The following KCNJ3 variants were observed in gnomAD, a reference collection of about 807,000 sequenced individuals.
The protein encoded by KCNJ3 is potassium inwardly rectifying channel subfamily J member 3.
A neutral mutation model predicts 39.2 loss-of-function variants in KCNJ3; 4 were observed. That is an observed-to-expected ratio of 0.10 (90% CI 0.05 to 0.23). The LOEUF (loss-of-function observed/expected upper bound fraction) is 0.23. Among genes scored for constraint, KCNJ3 ranks in the 10% least tolerant of loss-of-function variants. The pLI is 1.00. For missense variants in KCNJ3, 276 were observed against 634.9 expected (o/e 0.43, Z 6.08); for synonymous variants, 230 against 237.4 (o/e 0.97, Z 0.29).
At chr2:154,744,208 A>G (rs570581801) in intron 2 of KCNJ3, among the ~76,000 whole-genome samples, 63 of 151,764 alleles carry the variant, frequency 4.2e-4, no homozygotes, top group African/African-American at 1.2e-3. Context: ...GTTATGATGT[A>G]TAGTTCTTTT....
At chr2:154,759,938 T>A (rs1686009403) in intron 2 of KCNJ3, among the ~76,000 whole-genome samples, 1 of 152,188 alleles carries the variant, frequency 6.6e-6, no homozygotes, top group Non-Finnish European at 1.5e-5. Context: ...CTGAAATCTG[T>A]ATCATTTTAG....
intron 2 of KCNJ3, among the ~76,000 whole-genome samples, chr2:154,810,613 C>A: frequency 6.6e-6 from 1 of 152,004 alleles, no homozygotes; most frequent in East Asian, 1.9e-4. Context: ...CATTTCAAAT[C>A]TATTTTTATT....
At chr2:154,846,501 G>A (rs944747900) in intron 2 of KCNJ3, among the ~76,000 whole-genome samples, 1 of 151,980 alleles carries the variant, frequency 6.6e-6, no homozygotes, top group Non-Finnish European at 1.5e-5. Flanking sequence ...TTTATCTAGT[G>A]CTACTACCCA....
At chr2:154,756,891 A>C (rs1488054357) in intron 2 of KCNJ3, among the ~76,000 whole-genome samples, 4 of 152,234 alleles carry the variant, frequency 2.6e-5, no homozygotes, top group African/African-American at 9.6e-5. Flanking sequence ...GTACTGTAGA[A>C]AGAGCATAAG....
chr2:154,764,260 G>T (rs920560411), intron 2 of KCNJ3, among the ~76,000 whole-genome samples: 2 of 152,158 alleles, frequency 1.3e-5, no homozygotes, highest in Non-Finnish European at 2.9e-5. Context: ...TTTTTAGAAT[G>T]CCCTCCTCTC....
At chr2:154,791,350 T>C (rs1003188407) in intron 2 of KCNJ3, among the ~76,000 whole-genome samples, 1 of 152,118 alleles carries the variant, frequency 6.6e-6, no homozygotes, top group Non-Finnish European at 1.5e-5. Context: ...GTAAAGTTTG[T>C]TATTCTTTCC....
At chr2:154,712,674 A>T (rs1685117517) in intron 2 of KCNJ3, among the ~76,000 whole-genome samples, 1 of 152,070 alleles carries the variant, frequency 6.6e-6, no homozygotes, top group African/African-American at 2.4e-5. Context: ...AATAAGGGAG[A>T]TATCAGATAA....
At chr2:154,763,731 CCTTCTAGCTTCCAG>C (rs1686084724) in intron 2 of KCNJ3, among the ~76,000 whole-genome samples, 3 of 152,128 alleles carry the variant, frequency 2.0e-5, no homozygotes, top group Non-Finnish European at 4.4e-5. Context: ...CCCAGCTGTA[CCTTCTAGCTTCCAG>C]CTTCTAGCTT....
At chr2:154,849,142 CCT>C (rs1687713626) in intron 2 of KCNJ3, among the ~76,000 whole-genome samples, 1 of 152,016 alleles carries the variant, frequency 6.6e-6, no homozygotes, top group Non-Finnish European at 1.5e-5. Context: ...ATCTTGTATC[CCT>C]CTGTGACTCA....
intron 2 of KCNJ3, among the ~76,000 whole-genome samples, chr2:154,831,525 C>T (rs1400924266): frequency 1.3e-5 from 2 of 152,074 alleles, no homozygotes; most frequent in Non-Finnish European, 2.9e-5. Context: ...CTAGCTGTAG[C>T]ATGGGGTGGG....
At position 154,779,922 on chromosome 2, in the gene KCNJ3, C is replaced by A. The variant is rs186779104; in HGVS notation, c.919+70103C>A. Reference sequence around the variant, plus strand: ...TTATTTTCTATGGCTTCAAAACATGCCTCTGTTTGTACTATTGTCTTGTTA... The same window carrying A: ...TTATTTTCTATGGCTTCAAAACATGACTCTGTTTGTACTATTGTCTTGTTA... On this transcript the variant is annotated intron_variant, in intron 2 of 2. Transcript: ENST00000295101. Among the ~76,000 whole-genome samples the A allele has an allele frequency of 2.9e-3, 447 of 152,130 alleles. 3 individuals carry two copies. Among genetic ancestry groups the A allele is most frequent in the African/African-American group, 1.0e-2 (413 of 41,488 alleles).
chr2:154,716,270 C>T (rs111395018), intron 2 of KCNJ3, among the ~76,000 whole-genome samples: 33,800 of 135,482 alleles, frequency 0.25, 4,903 homozygotes, highest in Non-Finnish European at 0.32. Flanking sequence ...CCACCACGGC[C>T]GGCTAATTTT....
At chr2:154,751,139 C>T (rs957670490) in intron 2 of KCNJ3, among the ~76,000 whole-genome samples, 5 of 151,508 alleles carry the variant, frequency 3.3e-5, no homozygotes, top group African/African-American at 1.2e-4. Context: ...TCCCCAAAAA[C>T]CTATGGAAAT....
chr2:154,753,781 G>C, intron 2 of KCNJ3, among the ~76,000 whole-genome samples: 1 of 152,194 alleles, frequency 6.6e-6, no homozygotes, highest in Non-Finnish European at 1.5e-5. Flanking sequence ...TTATACATTT[G>C]CTTCTGTTGT....
At chr2:154,842,390 G>A (rs1451432236) in intron 2 of KCNJ3, among the ~76,000 whole-genome samples, 1 of 152,236 alleles carries the variant, frequency 6.6e-6, no homozygotes, top group Non-Finnish European at 1.5e-5. Context: ...TAAATGCGAT[G>A]TGGTACTGAG....
chr2:154,800,598 C>A (rs1276207306), intron 2 of KCNJ3, among the ~76,000 whole-genome samples: 1 of 152,084 alleles, frequency 6.6e-6, no homozygotes, highest in Non-Finnish European at 1.5e-5. Context: ...TTTAATTGAG[C>A]CTTAGTATTT....
At chr2:154,706,037 T>A (rs1180601340) in intron 1 of KCNJ3, among the ~76,000 whole-genome samples, 1 of 152,152 alleles carries the variant, frequency 6.6e-6, no homozygotes, top group Non-Finnish European at 1.5e-5. Flanking sequence ...CTTTATTTGT[T>A]CCACAATTCT....
At chr2:154,844,586 T>G (rs2882165) in intron 2 of KCNJ3, among the ~76,000 whole-genome samples, 31,326 of 152,206 alleles carry the variant, frequency 0.21, 3,548 homozygotes, top group East Asian at 0.4. Context: ...ACCTTGTTGA[T>G]CTGTGGTGGG....
At chr2:154,844,736 G>A (rs1015439635) in intron 2 of KCNJ3, among the ~76,000 whole-genome samples, 5 of 152,198 alleles carry the variant, frequency 3.3e-5, no homozygotes, top group Non-Finnish European at 7.4e-5. Flanking sequence ...GGCTCCGTGG[G>A]TGTGGAACCC....
Sources: gnomAD v4.1 joint callset for allele counts (sites outside exome capture counted in the v4.1 genomes callset) on GRCh38, gnomAD v4.1.1 for gene constraint, MANE v1.5 for transcripts, NCBI Gene and HGNC (gene_info 2026-07-23, HGNC 2026-07-21) for gene names.